OR10J1: variants seen among roughly 807,000 people sequenced by gnomAD.
The protein encoded by OR10J1 is olfactory receptor family 10 subfamily J member 1.
For synonymous variants in OR10J1, 202 were observed against 143.8 expected, an observed-to-expected ratio of 1.40 and a Z score of -2.89; for missense variants, 474 against 376.6, an observed-to-expected ratio of 1.26 and a Z score of -2.14.
chr1:159,399,435 G>C, the OR10J1 span, among the ~76,000 whole-genome samples: 1 of 151,902 alleles, frequency 6.6e-6, no homozygotes. Flanking sequence ...GCCGGGCATC[G>C]TGGTGGGCAC....
upstream of OR10J1, chr1:159,437,831 A>G (rs1190604663): frequency 6.6e-6 from 1 of 152,246 alleles, no homozygotes; most frequent in East Asian, 1.9e-4. Flanking sequence ...AAGAATGCCT[A>G]TGACTCTCAA....
At chr1:159,405,676 C>A in the OR10J1 span, 10 of 538,350 alleles carry the variant, frequency 1.9e-5, no homozygotes, top group Non-Finnish European at 2.8e-5. Flanking sequence ...CTTCTTCCTA[C>A]CCTCAGTTGA....
At chr1:159,419,469 C>A in the OR10J1 span, among the ~76,000 whole-genome samples, 1 of 152,138 alleles carries the variant, frequency 6.6e-6, no homozygotes, top group African/African-American at 2.4e-5. Context: ...GTAAGACATG[C>A]CTTTCATTTT....
the OR10J1 span, among the ~76,000 whole-genome samples, chr1:159,428,774 T>C: frequency 6.6e-6 from 1 of 152,202 alleles, no homozygotes; most frequent in Non-Finnish European, 1.5e-5. Flanking sequence ...AGAGAGATTA[T>C]GTGGAATTGA....
chr1:159,399,252 G>T, the OR10J1 span, among the ~76,000 whole-genome samples: 1 of 152,032 alleles, frequency 6.6e-6, no homozygotes, highest in African/African-American at 2.4e-5. Flanking sequence ...AAAGCTGAGA[G>T]GTTTTATTAA....
the OR10J1 span, among the ~76,000 whole-genome samples, chr1:159,409,627 A>C: frequency 6.6e-6 from 1 of 152,004 alleles, no homozygotes; most frequent in Non-Finnish European, 1.5e-5. Context: ...TAACCACTTA[A>C]CTTTACATGT....
the OR10J1 span, among the ~76,000 whole-genome samples, chr1:159,424,865 A>G: frequency 6.6e-6 from 1 of 152,176 alleles, no homozygotes; most frequent in Admixed American, 6.5e-5. Flanking sequence ...AGATTGAGTA[A>G]CTAACATAGC....
chr1:159,403,875 T>C, the OR10J1 span, among the ~76,000 whole-genome samples: 18 of 152,042 alleles, frequency 1.2e-4, no homozygotes, highest in Non-Finnish European at 5.9e-5. Context: ...TGTCCATCGA[T>C]AGATGAATGG....
At chr1:159,428,786 C>T in the OR10J1 span, among the ~76,000 whole-genome samples, 1 of 152,204 alleles carries the variant, frequency 6.6e-6, no homozygotes, top group African/African-American at 2.4e-5. Context: ...TGGAATTGAA[C>T]TGAATGCCTG....
At chr1:159,424,698 A>G in the OR10J1 span, among the ~76,000 whole-genome samples, 1 of 152,164 alleles carries the variant, frequency 6.6e-6, no homozygotes, top group South Asian at 2.1e-4. Flanking sequence ...AAAATGTAAT[A>G]AAAAGATTAA....
the OR10J1 span, among the ~76,000 whole-genome samples, chr1:159,417,584 C>T: frequency 2.1e-4 from 32 of 152,288 alleles, no homozygotes; most frequent in African/African-American, 6.0e-4. Flanking sequence ...TCCTCAGCCA[C>T]GTGGAACTAT....
rs1403828382 is a variant in OR10J1, at chr1:159,440,676, G to A, written c.885G>A (p.Glu295=). ...NPVVYTLRNK[E]VKDALCRAVG... is the part of the protein sequence containing the mutation. ...TGGTATACACCCTGAGAAATAAAGA[G>A]GTCAAAGATGCTCTGTGCAGGGCTG... The change falls in exon 1 of 1, where the codon GAG becomes GAA. Residue 295 remains glutamate (E), a synonymous_variant. Transcript: ENST00000423932. The A allele has an allele frequency of 1.9e-6, 3 of 1,613,926 alleles. No individual in the cohort carries two copies. The highest frequency in any genetic ancestry group is 1.7e-6 in the Non-Finnish European group (2 of 1,179,956).
chr1:159,421,639 T>C, the OR10J1 span, among the ~76,000 whole-genome samples: 1 of 152,192 alleles, frequency 6.6e-6, no homozygotes, highest in South Asian at 2.1e-4. Flanking sequence ...GTAGTGTCTC[T>C]ATGACTTATT....
the OR10J1 span, among the ~76,000 whole-genome samples, chr1:159,431,157 G>A: frequency 6.6e-6 from 1 of 152,176 alleles, no homozygotes; most frequent in Non-Finnish European, 1.5e-5. Context: ...GAAGAAAGCA[G>A]GACTGAAAAG....
At chr1:159,406,844 G>T in the OR10J1 span, among the ~76,000 whole-genome samples, 4 of 152,104 alleles carry the variant, frequency 2.6e-5, no homozygotes, top group Non-Finnish European at 5.9e-5. Context: ...AGCAAAGACT[G>T]CCCTGGGAGG....
the OR10J1 span, chr1:159,406,286 A>G: frequency 1.9e-6 from 1 of 524,706 alleles, no homozygotes; most frequent in Non-Finnish European, 3.9e-6. Flanking sequence ...ACAACAAAGA[A>G]GACAAATCTG....
chr1:159,400,857 C>T, the OR10J1 span, among the ~76,000 whole-genome samples: 1 of 151,812 alleles, frequency 6.6e-6, no homozygotes, highest in African/African-American at 2.4e-5. Context: ...GAAGGATAGA[C>T]TATATATTAG....
upstream of OR10J1, among the ~76,000 whole-genome samples, chr1:159,438,688 G>A (rs766958980): frequency 3.6e-4 from 55 of 152,252 alleles, no homozygotes; most frequent in Non-Finnish European, 6.3e-4. Flanking sequence ...GTCTCCGTGC[G>A]TACTAACCTT....
At chr1:159,410,225 G>A in the OR10J1 span, among the ~76,000 whole-genome samples, 2 of 152,068 alleles carry the variant, frequency 1.3e-5, no homozygotes, top group Admixed American at 6.6e-5. Flanking sequence ...AATGAGTTAG[G>A]GAGGACTCCC....
Sources: allele counts gnomAD v4.1 joint callset (sites outside exome capture counted in the v4.1 genomes callset), GRCh38; gene constraint gnomAD v4.1.1; transcripts MANE v1.5; gene names NCBI Gene and HGNC (gene_info 2026-07-23, HGNC 2026-07-21).